The following MBOAT2 variants were observed in gnomAD, a reference collection of about 807,000 sequenced individuals.
The protein encoded by MBOAT2 is membrane-bound glycerophospholipid O-acyltransferase 2.
A neutral mutation model predicts 63.4 loss-of-function variants in MBOAT2; 28 were observed. The ratio of observed to expected loss-of-function variants is 0.44; its 90% CI spans 0.33 to 0.61. MBOAT2 has a LOEUF of 0.61. MBOAT2 is among the 20% of genes least tolerant of loss of function. The pLI, the probability that MBOAT2 is intolerant of heterozygous loss-of-function variation, is 0.03. For synonymous variants in MBOAT2, 211 were observed against 215.6 expected, an observed-to-expected ratio of 0.98 and a Z score of 0.19; for missense variants, 470 against 605.8, an observed-to-expected ratio of 0.78 and a Z score of 2.35.
intron 1 of MBOAT2, among the ~76,000 whole-genome samples, chr2:8,993,631 T>C (rs1019525336): frequency 6.6e-6 from 1 of 152,114 alleles, no homozygotes; most frequent in Non-Finnish European, 1.5e-5. Flanking sequence ...CTAGACCCAC[T>C]AGACCGCATC....
At chr2:8,859,893 A>G (rs1377031337) in intron 12 of MBOAT2, among the ~76,000 whole-genome samples, 4 of 152,150 alleles carry the variant, frequency 2.6e-5, no homozygotes, top group Non-Finnish European at 5.9e-5. Context: ...AATATAATTT[A>G]TTTTCCTTAG....
intron 4 of MBOAT2, among the ~76,000 whole-genome samples, chr2:8,905,039 A>G (rs1312005390): frequency 6.6e-6 from 1 of 152,296 alleles, no homozygotes; most frequent in South Asian, 2.1e-4. Flanking sequence ...ACTCTTGTGC[A>G]AGTAAAACTG....
chr2:8,899,279 G>A (rs1664732934), intron 4 of MBOAT2, among the ~76,000 whole-genome samples: 1 of 152,182 alleles, frequency 6.6e-6, no homozygotes, highest in East Asian at 1.9e-4. Context: ...AAGGGTGTGG[G>A]ACTTTCAGGC....
chr2:8,882,428 T>C lies in MBOAT2; in HGVS notation c.506+83A>G, dbSNP rs574738992. On this transcript the variant is annotated intron_variant, in intron 6 of 12. Coordinates refer to ENST00000305997, the MANE Select transcript of MBOAT2 (RefSeq NM_138799.4). Reference sequence around the variant, plus strand: ...CAGAAGTAAGTACCTCTAGAAGGACTAGTCAGCCTCAGCCACAGAAGGAAC... The same window carrying C: ...CAGAAGTAAGTACCTCTAGAAGGACCAGTCAGCCTCAGCCACAGAAGGAAC... 3 of 1,301,982 alleles carry C rather than the reference T, an allele frequency of 2.3e-6. No homozygotes were observed. In the East Asian group the frequency reaches 7.0e-5, roughly 31 times the overall value. The allele number at this position is 1,301,982 out of a possible 1,614,324, so 80.7% of individuals were successfully genotyped here. A position where few individuals can be genotyped will look rare whatever the true frequency, so the allele number is the denominator to read the frequency against.
chr2:8,952,699 T>G (rs1360789229), intron 2 of MBOAT2, among the ~76,000 whole-genome samples: 1 of 152,176 alleles, frequency 6.6e-6, no homozygotes, highest in Non-Finnish European at 1.5e-5. Context: ...TGTATGTAAT[T>G]TTATGATTTT....
chr2:8,927,737 A>G (rs1277635849), intron 3 of MBOAT2, among the ~76,000 whole-genome samples: 2 of 152,182 alleles, frequency 1.3e-5, no homozygotes, highest in African/African-American at 4.8e-5. Context: ...CATCACCTCT[A>G]GCACACTTCC....
At chr2:8,998,409 T>C (rs1672455786) in intron 1 of MBOAT2, among the ~76,000 whole-genome samples, 1 of 152,228 alleles carries the variant, frequency 6.6e-6, no homozygotes, top group East Asian at 1.9e-4. Flanking sequence ...GCTTGTTTTG[T>C]TGCCATTCAC....
At chr2:8,954,236 C>T (rs1236652657) in intron 2 of MBOAT2, among the ~76,000 whole-genome samples, 1 of 152,090 alleles carries the variant, frequency 6.6e-6, no homozygotes, top group Non-Finnish European at 1.5e-5. Flanking sequence ...TGGAGTTCAA[C>T]CTACAAGCCC....
At chr2:8,916,574 C>T (rs114350302) in intron 3 of MBOAT2, among the ~76,000 whole-genome samples, 3 of 152,202 alleles carry the variant, frequency 2.0e-5, no homozygotes, top group Non-Finnish European at 2.9e-5. Context: ...GAACTAAAAA[C>T]GAATTCTTCT....
At position 8,859,908 on chromosome 2, in the gene MBOAT2, G is replaced by A. The variant is rs539145735; in HGVS notation, c.1337+705C>T. On this transcript the variant is annotated intron_variant, in intron 12 of 12. Coordinates refer to ENST00000305997, the MANE Select transcript of MBOAT2 (RefSeq NM_138799.4). The stretch of plus-strand genomic sequence containing the variant: ...AATATAATTTATTTTCCTTAGGCTG[G>A]GTGTGGTGGCTCATGCCTGTAATCC... Among the ~76,000 whole-genome samples, 168 of 152,306 alleles carry A rather than the reference G, an allele frequency of 1.1e-3. 2 individuals carry two copies. The highest frequency in any genetic ancestry group is 4.4e-4 in the Non-Finnish European group (30 of 68,038).
intron 1 of MBOAT2, among the ~76,000 whole-genome samples, chr2:8,986,317 T>C (rs1671562444): frequency 6.6e-6 from 1 of 151,596 alleles, no homozygotes; most frequent in Non-Finnish European, 1.5e-5. Flanking sequence ...GGCTCATATC[T>C]ATAATCCCAG....
chr2:8,954,913 G>C (rs887773498), intron 2 of MBOAT2, among the ~76,000 whole-genome samples: 3 of 152,220 alleles, frequency 2.0e-5, no homozygotes, highest in Admixed American at 1.3e-4. Flanking sequence ...GTAGAGCAGA[G>C]TGGGGCACCC....
At chr2:8,875,497 T>C (rs1056924032) in intron 7 of MBOAT2, among the ~76,000 whole-genome samples, 4 of 152,342 alleles carry the variant, frequency 2.6e-5, no homozygotes, top group African/African-American at 9.6e-5. Context: ...TTTTCAAGTA[T>C]TTTACAAAGT....
chr2:8,962,515 T>A lies in MBOAT2; in HGVS notation c.76-3873A>T, dbSNP rs568867712. The stretch of plus-strand genomic sequence containing the variant: ...ACACTTAACTGCCAGAACAAGAATC[T>A]TCAGAGTTGTTCTATCTGCAATGTT... On this transcript the variant is annotated intron_variant, in intron 1 of 12. Transcript: ENST00000305997. 2.0e-5 allele frequency among the ~76,000 whole-genome samples: 3 copies of A among 152,312 alleles called. No homozygotes were observed. The South Asian group carries it at 6.2e-4, about 32-fold the overall frequency.
intron 5 of MBOAT2, among the ~76,000 whole-genome samples, chr2:8,887,022 T>TGAA (rs1381718079): frequency 6.6e-6 from 1 of 152,288 alleles, no homozygotes; most frequent in East Asian, 1.9e-4. Context: ...CCCTCCAAGC[T>TGAA]GAATCATACT....
Position 8,988,874 on chromosome 2 carries a change from A to G in MBOAT2, c.75+14666T>C, listed in dbSNP as rs188920691. Among the ~76,000 whole-genome samples, 144 of 152,352 alleles carry G rather than the reference A, an allele frequency of 9.5e-4. 1 individual carries two copies. The highest frequency in any genetic ancestry group is 2.3e-3 in the South Asian group (11 of 4,830). On this transcript the variant is annotated intron_variant, in intron 1 of 12. Coordinates refer to ENST00000305997, the MANE Select transcript of MBOAT2 (RefSeq NM_138799.4). ...TAATAATATCCATAATGAATCATAC[A>G]CAATAAAATAAAGTATATGAAGAAA...
At chr2:8,995,870 C>T (rs946887728) in intron 1 of MBOAT2, among the ~76,000 whole-genome samples, 4 of 152,300 alleles carry the variant, frequency 2.6e-5, no homozygotes, top group African/African-American at 9.6e-5. Flanking sequence ...GGATTACAGG[C>T]GTGAGCCATC....
chr2:8,868,310 T>C (rs1662048409), intron 9 of MBOAT2, 136 bp downstream of exon 9: 1 of 695,794 alleles, frequency 1.4e-6, no homozygotes, highest in Admixed American at 2.8e-5. Context: ...GACCAATATG[T>C]ATTGGTTAAA....
chr2:8,882,387 A>T (rs1663202779), intron 6 of MBOAT2, 124 bp downstream of exon 6: 4 of 941,158 alleles, frequency 4.3e-6, no homozygotes, highest in Middle Eastern at 2.3e-4. Flanking sequence ...GCATGGAGAG[A>T]GTGAGGCTTG....
Sources: allele counts gnomAD v4.1 joint callset (sites outside exome capture counted in the v4.1 genomes callset), GRCh38; gene constraint gnomAD v4.1.1; transcripts MANE v1.5; gene names NCBI Gene and HGNC (gene_info 2026-07-23, HGNC 2026-07-21).